GRM5: variants seen among roughly 807,000 people sequenced by gnomAD.
GRM5 encodes metabotropic glutamate receptor 5.
Under a neutral mutation model 83.1 loss-of-function variants are expected in GRM5, and 19 were observed. The observed-to-expected ratio is 0.23, with a 90% CI of 0.16 to 0.34. The LOEUF (loss-of-function observed/expected upper bound fraction) is 0.34. GRM5 is among the 10% of genes least tolerant of loss of function. The pLI is 1.00. For synonymous variants in GRM5, 675 were observed against 633.6 expected (o/e 1.07, Z -0.98); for missense variants, 1,160 against 1,588.3 (o/e 0.73, Z 4.58).
At chr11:88,707,100 G>T (rs1184018189) in intron 3 of GRM5, among the ~76,000 whole-genome samples, 1 of 152,044 alleles carries the variant, frequency 6.6e-6, no homozygotes, top group Admixed American at 6.6e-5. Context: ...TGATCAGATT[G>T]ATCCTGGCTT....
intron 4 of GRM5, among the ~76,000 whole-genome samples, chr11:88,644,926 A>G (rs1265433125): frequency 1.3e-5 from 2 of 152,104 alleles, no homozygotes; most frequent in Admixed American, 6.6e-5. Context: ...TTTGGTCACT[A>G]TATTAGTGAC....
chr11:89,033,975 A>C (rs1941323963), intron 2 of GRM5, among the ~76,000 whole-genome samples: 1 of 151,818 alleles, frequency 6.6e-6, no homozygotes, highest in Admixed American at 6.6e-5. Context: ...ACCAAGAAAA[A>C]TGTAGCATGG....
At chr11:88,967,082 A>T (rs1286711634) in intron 2 of GRM5, among the ~76,000 whole-genome samples, 1 of 151,990 alleles carries the variant, frequency 6.6e-6, no homozygotes, top group African/African-American at 2.4e-5. Context: ...TAAGTGTTTC[A>T]ATCAGATGAT....
At chr11:88,797,334 G>A (rs1207495233) in intron 3 of GRM5, among the ~76,000 whole-genome samples, 1 of 152,038 alleles carries the variant, frequency 6.6e-6, no homozygotes, top group African/African-American at 2.4e-5. Context: ...TAGAGACGGA[G>A]TTTCACCATG....
At chr11:88,974,014 T>C (rs1160149885) in intron 2 of GRM5, among the ~76,000 whole-genome samples, 1 of 152,166 alleles carries the variant, frequency 6.6e-6, no homozygotes. Flanking sequence ...TATTCTACTA[T>C]TTTATCCTCT....
chr11:88,996,865 T>C (rs965587958), intron 2 of GRM5, among the ~76,000 whole-genome samples: 21 of 152,038 alleles, frequency 1.4e-4, no homozygotes, highest in African/African-American at 4.8e-4. Context: ...CTCAAACACA[T>C]AAATATTAAA....
chr11:88,535,171 T>C (rs1362921606), intron 8 of GRM5, among the ~76,000 whole-genome samples: 1 of 152,206 alleles, frequency 6.6e-6, no homozygotes, highest in Admixed American at 6.5e-5. Context: ...TTCCTTTGCA[T>C]TGTCACATTC....
In GRM5 at chr11:88,725,937, G is replaced by A. The variant is rs1941670011; in HGVS notation, c.912-72534C>T. ...AATCCACGAAGATGAGAAAAAAACAGTGCAAAAAGGTTGAACATTCCAAGA... is the reference window on the plus strand; with the variant it reads ...AATCCACGAAGATGAGAAAAAAACAATGCAAAAAGGTTGAACATTCCAAGA... On this transcript the variant is annotated intron_variant, in intron 3 of 9. Transcript: ENST00000305447. 2.0e-5 allele frequency among the ~76,000 whole-genome samples: 3 copies of A among 152,252 alleles called. No individual in the cohort carries two copies. In the South Asian group the frequency reaches 6.2e-4, roughly 32 times the overall value.
At chr11:88,978,804 A>T (rs1424689014) in intron 2 of GRM5, among the ~76,000 whole-genome samples, 1 of 152,162 alleles carries the variant, frequency 6.6e-6, no homozygotes, top group Non-Finnish European at 1.5e-5. Flanking sequence ...GGTATCTATT[A>T]TCTCCATTTT....
intron 3 of GRM5, among the ~76,000 whole-genome samples, chr11:88,720,844 G>GTGTGTT (rs1941520893): frequency 1.4e-5 from 2 of 146,738 alleles, no homozygotes; most frequent in Non-Finnish European, 3.0e-5. Flanking sequence ...GTGTGTGTGT[G>GTGTGTT]CCTGTATTGA....
chr11:89,031,076 A>G (rs1420454700), intron 2 of GRM5, among the ~76,000 whole-genome samples: 4 of 152,024 alleles, frequency 2.6e-5, no homozygotes, highest in Admixed American at 6.6e-5. Context: ...CTTACTCTGG[A>G]TATATGGACA....
chr11:88,780,254 C>CT (rs1416795209), intron 3 of GRM5, among the ~76,000 whole-genome samples: 2 of 152,190 alleles, frequency 1.3e-5, no homozygotes, highest in Non-Finnish European at 2.9e-5. Flanking sequence ...CACTGTGCTG[C>CT]TTTTTTCTAA....
intron 4 of GRM5, among the ~76,000 whole-genome samples, chr11:88,652,103 G>T (rs192658668): frequency 2.8e-4 from 43 of 152,056 alleles, no homozygotes; most frequent in African/African-American, 1.0e-3. Context: ...ATGGGTAAAG[G>T]CATCTATACC....
intron 4 of GRM5, among the ~76,000 whole-genome samples, chr11:88,619,554 C>CTAGT (rs1177801755): frequency 1.3e-5 from 2 of 152,152 alleles, no homozygotes; most frequent in East Asian, 1.9e-4. Context: ...AGTCATACCT[C>CTAGT]TAGTTAGTAG....
chr11:88,897,317 GCTAGAAGTCAGAA>G (rs1565282403), intron 2 of GRM5, among the ~76,000 whole-genome samples: 1 of 151,840 alleles, frequency 6.6e-6, no homozygotes, highest in African/African-American at 2.4e-5. Context: ...AGCACTACTA[GCTAGAAGTCAGAA>G]TTTATAAAGG....
chr11:88,664,226 A>G lies in GRM5; in HGVS notation c.912-10823T>C, dbSNP rs1939980805. Among the ~76,000 whole-genome samples the G allele has an allele frequency of 2.0e-5, 3 of 152,118 alleles. No individual in the cohort carries two copies. The South Asian group carries it at 6.2e-4, about 32-fold the overall frequency. On this transcript the variant is annotated intron_variant, in intron 3 of 9. Coordinates refer to ENST00000305447, the MANE Select transcript of GRM5 (RefSeq NM_001143831.3). ...TTCCTACCAAACATTGTCCTAAGCA[A>G]TATATGCTTATGCCTATATTCTGCT...
intron 3 of GRM5, among the ~76,000 whole-genome samples, chr11:88,781,292 G>A (rs2135463207): frequency 6.6e-6 from 1 of 152,166 alleles, no homozygotes; most frequent in South Asian, 2.1e-4. Context: ...AACTGGGCAT[G>A]TCTGACTCTA....
chr11:88,650,453 T>G (rs1565171731), intron 4 of GRM5, among the ~76,000 whole-genome samples: 1 of 151,944 alleles, frequency 6.6e-6, no homozygotes, highest in Admixed American at 6.6e-5. Flanking sequence ...GAGCTTAACT[T>G]TGAAATACAT....
intron 3 of GRM5, among the ~76,000 whole-genome samples, chr11:88,765,395 G>GAA (rs58232495): frequency 3.2e-5 from 4 of 123,424 alleles, no homozygotes; most frequent in East Asian, 2.4e-4. Flanking sequence ...AAGACAATTT[G>GAA]AAAAAAAAAA....
Sources: gnomAD v4.1 joint callset for allele counts (sites outside exome capture counted in the v4.1 genomes callset) on GRCh38, gnomAD v4.1.1 for gene constraint, MANE v1.5 for transcripts, NCBI Gene and HGNC (gene_info 2026-07-23, HGNC 2026-07-21) for gene names.